RELN: variants seen among roughly 807,000 people sequenced by gnomAD.
RELN encodes the protein reelin.
Under a neutral mutation model 427.6 loss-of-function variants are expected in RELN, and 108 were observed. The observed-to-expected ratio is 0.25, with a 90% CI of 0.22 to 0.30. The LOEUF (loss-of-function observed/expected upper bound fraction) is 0.30, where lower values mean the gene tolerates loss of function less well. Among genes scored for constraint, RELN ranks in the 10% least tolerant of loss-of-function variants. The pLI, the probability that RELN is intolerant of heterozygous loss-of-function variation, is 1.00. For missense variants in RELN, 3,715 were observed against 4,302.8 expected, an observed-to-expected ratio of 0.86 and a Z score of 3.82; for synonymous variants, 1,524 against 1,513.4, an observed-to-expected ratio of 1.01 and a Z score of -0.16.
intron 2 of RELN, among the ~76,000 whole-genome samples, chr7:103,881,269 C>T (rs1277453544): frequency 6.6e-6 from 1 of 152,156 alleles, no homozygotes; most frequent in Non-Finnish European, 1.5e-5. Flanking sequence ...TTCTTTATCT[C>T]ATTACAGCAT....
chr7:103,785,262 A>G (rs934257852), intron 3 of RELN, among the ~76,000 whole-genome samples: 1 of 152,096 alleles, frequency 6.6e-6, no homozygotes. Flanking sequence ...TGTTTTAAAC[A>G]CCTTTTAATT....
intron 24 of RELN, among the ~76,000 whole-genome samples, chr7:103,598,438 C>T (rs1584330534): frequency 6.6e-6 from 1 of 152,256 alleles, no homozygotes; most frequent in Non-Finnish European, 1.5e-5. Context: ...GGAAGAAAAA[C>T]TATAGAACCT....
intron 6 of RELN, among the ~76,000 whole-genome samples, chr7:103,734,942 T>C (rs893484394): frequency 6.6e-6 from 1 of 152,160 alleles, no homozygotes; most frequent in Non-Finnish European, 1.5e-5. Flanking sequence ...GTGGACTTCA[T>C]AAAAAACATT....
chr7:103,829,551 C>T (rs965611338), intron 3 of RELN, among the ~76,000 whole-genome samples: 4 of 151,894 alleles, frequency 2.6e-5, no homozygotes, highest in African/African-American at 9.7e-5. Context: ...TAAATTTTAT[C>T]AAGAGGTGTC....
chr7:103,812,104 T>TGACTTTCACTAACCGAGAC (rs1792757983), intron 3 of RELN, among the ~76,000 whole-genome samples: 2 of 152,300 alleles, frequency 1.3e-5, no homozygotes, highest in East Asian at 3.9e-4. Flanking sequence ...TGCTTTCAGG[T>TGACTTTCACTAACCGAGAC]GACTTTCACT....
At chr7:103,578,271 A>G (rs959108567) in intron 28 of RELN, among the ~76,000 whole-genome samples, 1 of 152,132 alleles carries the variant, frequency 6.6e-6, no homozygotes, top group Non-Finnish European at 1.5e-5. Context: ...ATGCACTGTT[A>G]TATGTTTGAG....
chr7:103,576,939 AAC>A (rs887360342), intron 28 of RELN, among the ~76,000 whole-genome samples: 3 of 152,050 alleles, frequency 2.0e-5, no homozygotes, highest in Non-Finnish European at 2.9e-5. Context: ...AACATATGGA[AAC>A]ACGTGCACAC....
intron 2 of RELN, among the ~76,000 whole-genome samples, chr7:103,881,331 G>A (rs959725490): frequency 6.6e-6 from 1 of 152,006 alleles, no homozygotes; most frequent in African/African-American, 2.4e-5. Context: ...CTTTGATTTT[G>A]GTGATAACCC....
At chr7:103,936,084 G>A (rs1175166146) in intron 1 of RELN, among the ~76,000 whole-genome samples, 1 of 146,330 alleles carries the variant, frequency 6.8e-6, no homozygotes, top group Non-Finnish European at 1.5e-5. Flanking sequence ...CATCTTGCAT[G>A]AATTGCTTCA....
Position 103,654,051 on chromosome 7 carries a change from G to T in RELN, c.1554+42C>A, listed in dbSNP as rs190110804. The T allele has an allele frequency of 4.9e-5, 53 of 1,074,314 alleles. No homozygotes were observed. In the East Asian group the frequency reaches 9.5e-4, roughly 19 times the overall value. The allele number at this position is 1,074,314 out of a possible 1,614,324, so 66.5% of individuals were successfully genotyped here. A position where few individuals can be genotyped will look rare whatever the true frequency, so the allele number is the denominator to read the frequency against. On this transcript the variant is annotated intron_variant, in intron 13 of 64. Coordinates refer to ENST00000428762, the MANE Select transcript of RELN (RefSeq NM_005045.4). The stretch of plus-strand genomic sequence containing the variant: ...GTTTTGACTTGGGCTTGTCCAGGGT[G>T]GTCTGAGGTGGTCTATTTGCCACAC...
chr7:103,515,146 T>A, intron 50 of RELN, 39 bp downstream of exon 50: 1 of 1,613,842 alleles, frequency 6.2e-7, no homozygotes, highest in Non-Finnish European at 8.5e-7. Context: ...ACCACTGCAT[T>A]TCCACTGGGC....
At chr7:103,562,831 G>A (rs1459718940) in intron 34 of RELN, among the ~76,000 whole-genome samples, 1 of 152,162 alleles carries the variant, frequency 6.6e-6, no homozygotes, top group Non-Finnish European at 1.5e-5. Context: ...CATATGCACT[G>A]TCAAGACCAA....
chr7:103,649,771 T>C (rs951092105), intron 16 of RELN, among the ~76,000 whole-genome samples: 2 of 151,878 alleles, frequency 1.3e-5, no homozygotes, highest in Non-Finnish European at 2.9e-5. Context: ...TATATCTAAG[T>C]TTTCTTTCTA....
intron 51 of RELN, among the ~76,000 whole-genome samples, chr7:103,504,676 C>T (rs756190510): frequency 6.6e-6 from 1 of 152,174 alleles, no homozygotes; most frequent in Non-Finnish European, 1.5e-5. Flanking sequence ...CAAGGGAAGC[C>T]GTGAGCAACT....
At chr7:103,703,243 C>T (rs1002082612) in intron 8 of RELN, among the ~76,000 whole-genome samples, 1 of 152,174 alleles carries the variant, frequency 6.6e-6, no homozygotes, top group Non-Finnish European at 1.5e-5. Context: ...CCCTTCCAAA[C>T]ATACCAGACC....
At chr7:103,483,612 G>T in intron 62 of RELN, 41 bp downstream of exon 62, 3 of 1,590,224 alleles carry the variant, frequency 1.9e-6, no homozygotes, top group East Asian at 4.5e-5. Flanking sequence ...TTCACAAAGG[G>T]ATTGTGCATG....
At chr7:103,695,352 C>T (rs528928007) in intron 10 of RELN, among the ~76,000 whole-genome samples, 17 of 152,136 alleles carry the variant, frequency 1.1e-4, no homozygotes, top group African/African-American at 2.9e-4. Context: ...TTCTACTTAA[C>T]GGCCAAGTCA....
intron 3 of RELN, among the ~76,000 whole-genome samples, chr7:103,802,811 T>C (rs993926677): frequency 1.2e-4 from 18 of 152,156 alleles, no homozygotes; most frequent in Admixed American, 1.0e-3. Context: ...TCACATAAAA[T>C]GTAGATATAA....
chr7:103,596,222 TTTC>T (rs1357653063), intron 25 of RELN, among the ~76,000 whole-genome samples: 21 of 152,228 alleles, frequency 1.4e-4, no homozygotes, highest in Non-Finnish European at 2.1e-4. Flanking sequence ...GTATCTTGCT[TTTC>T]TTCTAGTCAC....
Sources: gnomAD v4.1 joint callset for allele counts (sites outside exome capture counted in the v4.1 genomes callset) on GRCh38, gnomAD v4.1.1 for gene constraint, MANE v1.5 for transcripts, NCBI Gene and HGNC (gene_info 2026-07-23, HGNC 2026-07-21) for gene names.